SPG11: variants seen among roughly 807,000 people sequenced by gnomAD.
The protein encoded by SPG11 is spatacsin.
Under a neutral mutation model 274.0 loss-of-function variants are expected in SPG11, and 222 were observed. That is an observed-to-expected ratio of 0.81 (90% CI 0.73 to 0.91). SPG11 has a LOEUF of 0.91. Among genes scored for constraint, SPG11 ranks in the 40% least tolerant of loss-of-function variants. SPG11 has a pLI of 0.00. For synonymous variants in SPG11, 1,144 were observed against 1,039.7 expected, an observed-to-expected ratio of 1.10 and a Z score of -1.93; for missense variants, 3,114 against 2,872.7, an observed-to-expected ratio of 1.08 and a Z score of -1.92.
intron 16 of SPG11, among the ~76,000 whole-genome samples, chr15:44,613,830 T>C (rs2083523825): frequency 6.6e-6 from 1 of 152,234 alleles, no homozygotes; most frequent in African/African-American, 2.4e-5. Flanking sequence ...CATATTTTAT[T>C]GGTTTTTACA....
chr15:44,592,590 A>G, intron 26 of SPG11, 152 bp from the exon 27 acceptor site: 17 of 658,278 alleles, frequency 2.6e-5, no homozygotes, highest in Non-Finnish European at 4.4e-5. Flanking sequence ...AAGCCGAGCC[A>G]GTGGGATCAC....
chr15:44,573,455 CA>C, intron 32 of SPG11, 91 bp downstream of exon 32: 4 of 1,342,056 alleles, frequency 3.0e-6, no homozygotes, highest in Non-Finnish European at 4.2e-6. Context: ...GAACCACATA[CA>C]GGATGTATAT....
intron 30 of SPG11, among the ~76,000 whole-genome samples, chr15:44,581,597 T>TAA (rs201318366): frequency 4.5e-5 from 6 of 134,256 alleles, no homozygotes; most frequent in South Asian, 2.5e-4. Flanking sequence ...AACTGATTAT[T>TAA]AAAAAAAAAA....
Position 44,628,995 on chromosome 15 carries a change from G to C in SPG11, c.1892-151C>G, listed in dbSNP as rs1841804535. 9 of 884,966 alleles carry C rather than the reference G, an allele frequency of 1.0e-5. No homozygotes were observed. The Middle Eastern group carries it at 9.5e-4, about 94-fold the overall frequency. The allele number at this position is 884,966 out of a possible 1,614,324, so 54.8% of individuals were successfully genotyped here. ...TGAGGATTTTCCTTTTTACAAGTAA[G>C]TAGCTCTGTATTTTAATATAACCCT... On this transcript the variant is annotated intron_variant, in intron 9 of 39. Coordinates refer to ENST00000261866, the MANE Select transcript of SPG11 (RefSeq NM_025137.4).
chr15:44,584,183 A>C lies in SPG11; in HGVS notation c.5497T>G (p.Ser1833Ala), dbSNP rs766375553. 2.3e-5 allele frequency: 37 copies of C among 1,614,116 alleles called. No individual in the cohort carries two copies. Among genetic ancestry groups the C allele is most frequent in the South Asian group, 5.5e-5 (5 of 91,094 alleles). ...SRQISTSGELSFDSLASEFSF... is the reference protein window; with the variant it reads ...SRQISTSGELAFDSLASEFSF... ...AACTCACTGGCTAAACTATCAAAGG[A>C]AAGTTCACCACTAGTTGAGATCTGT... The change falls in exon 30 of 40, where the codon TCC becomes GCC. Residue 1833 changes from serine (S) to alanine (A), a missense_variant. Ser to Ala is a moderately conservative substitution (Grantham distance 99). Transcript: ENST00000261866.
intron 33 of SPG11, 44 bp downstream of exon 33, chr15:44,572,639 C>T: frequency 6.2e-7 from 1 of 1,611,778 alleles, no homozygotes; most frequent in South Asian, 1.1e-5. Flanking sequence ...CCTTTTGAGA[C>T]CTGTTTAGGG....
Position 44,563,008 on chromosome 15 carries a change from G to C in SPG11, c.*113C>G. 1 of 1,046,150 alleles carries C rather than the reference G, an allele frequency of 9.6e-7. No individual in the cohort carries two copies. Among genetic ancestry groups the C allele is most frequent in the East Asian group, 2.5e-5 (1 of 39,920 alleles). 64.8% of individuals were successfully genotyped at this position (1,046,150 alleles called of 1,614,324 possible). A position where few individuals can be genotyped will look rare whatever the true frequency, so the allele number is the denominator to read the frequency against. ...CCTACTACCCACAAAGGACTGATATGGTACAGTACCGGGATTGTTCAACTT... is the reference window on the plus strand; with the variant it reads ...CCTACTACCCACAAAGGACTGATATCGTACAGTACCGGGATTGTTCAACTT... On this transcript the variant is annotated 3_prime_UTR_variant, in exon 40 of 40. Coordinates refer to ENST00000261866, the MANE Select transcript of SPG11 (RefSeq NM_025137.4).
chr15:44,563,102 CAG>C lies in SPG11; in HGVS notation c.*17_*18del. The C allele has an allele frequency of 3.1e-6, 5 of 1,612,996 alleles. No homozygotes were observed. The highest frequency in any genetic ancestry group is 4.2e-6 in the Non-Finnish European group (5 of 1,179,176). ...AGAATCTGCTAACAGTACAAGAAAACAGACACCTATGAAATCATCTAACCTGC... is the reference window on the plus strand; with the variant it reads ...AGAATCTGCTAACAGTACAAGAAAACACACCTATGAAATCATCTAACCTGC... On this transcript the variant is annotated 3_prime_UTR_variant, in exon 40 of 40. Transcript: ENST00000261866.
At chr15:44,566,487 C>T (rs1000278173) in intron 36 of SPG11, among the ~76,000 whole-genome samples, 182 bp from the exon 37 acceptor site, 9 of 152,160 alleles carry the variant, frequency 5.9e-5, no homozygotes, top group South Asian at 2.1e-4. Context: ...AACTTCACTC[C>T]GCAGTAGGAT....
In SPG11 at chr15:44,652,006, C is replaced by T. The variant is rs2084796067; in HGVS notation, c.1008-67G>A. ...AAAGGCACTATGTAAAACACTAAACCAGGGCAAAGATGTTCTTAAAAAAAA... is the reference window on the plus strand; with the variant it reads ...AAAGGCACTATGTAAAACACTAAACTAGGGCAAAGATGTTCTTAAAAAAAA... On this transcript the variant is annotated intron_variant, in intron 5 of 39. Coordinates refer to ENST00000261866, the MANE Select transcript of SPG11 (RefSeq NM_025137.4). The T allele has an allele frequency of 6.4e-6, 10 of 1,569,950 alleles. No homozygotes were observed. The East Asian group carries it at 2.3e-4, about 35-fold the overall frequency.
intron 33 of SPG11, among the ~76,000 whole-genome samples, chr15:44,570,936 C>T (rs1316964055): frequency 6.6e-6 from 1 of 152,168 alleles, no homozygotes; most frequent in African/African-American, 2.4e-5. Flanking sequence ...ACAGCACCCT[C>T]GCCTTCTAAA....
Position 44,567,455 on chromosome 15 carries a change from G to A in SPG11, c.6723C>T (p.Ile2241=). 1 of 1,613,988 alleles carries A rather than the reference G, an allele frequency of 6.2e-7. No homozygotes were observed. Among genetic ancestry groups the A allele is most frequent in the Non-Finnish European group, 8.5e-7 (1 of 1,179,988 alleles). The change falls in exon 36 of 40, where the codon ATC becomes ATT. Residue 2241 remains isoleucine (I), a synonymous_variant. Transcript: ENST00000261866. The stretch of plus-strand genomic sequence containing the variant: ...GCTGAGACTCAATCAATTTCAGTTG[G>A]ATGCGGGCAGCTGCCTCGTGGTTCT... ...IGENHEAAAR[I]QLKLIESQPW... is the part of the protein sequence containing the mutation.
intron 25 of SPG11, among the ~76,000 whole-genome samples, chr15:44,595,830 C>G (rs1319622507): frequency 6.6e-6 from 1 of 152,198 alleles, no homozygotes; most frequent in Non-Finnish European, 1.5e-5. Flanking sequence ...ACCAAAGCGT[C>G]TTTCTCTGTG....
chr15:44,604,888 C>T (rs949479428), intron 20 of SPG11, among the ~76,000 whole-genome samples: 33 of 123,310 alleles, frequency 2.7e-4, no homozygotes, highest in African/African-American at 8.8e-4. Context: ...AGATCGAGAT[C>T]GTGCCACTGC....
At chr15:44,608,837 A>C (rs1216549871) in intron 18 of SPG11, among the ~76,000 whole-genome samples, 1 of 152,180 alleles carries the variant, frequency 6.6e-6, no homozygotes, top group African/African-American at 2.4e-5. Flanking sequence ...CCCATCTGCA[A>C]AATTAGGAAG....
intron 14 of SPG11, chr15:44,620,907 C>T (rs536262020): frequency 7.6e-4 from 121 of 158,620 alleles, no homozygotes; most frequent in Non-Finnish European, 1.4e-3. Flanking sequence ...CAATGTTGGC[C>T]AAGCTGGTCT....
intron 7 of SPG11, among the ~76,000 whole-genome samples, chr15:44,639,540 A>C (rs2084380089): frequency 1.3e-5 from 2 of 152,002 alleles, no homozygotes; most frequent in Admixed American, 6.6e-5. Context: ...CTGTCTCTAC[A>C]AAAAATAAAA....
intron 15 of SPG11, among the ~76,000 whole-genome samples, chr15:44,616,019 GT>G (rs1369777536): frequency 3.9e-5 from 6 of 152,040 alleles, no homozygotes; most frequent in African/African-American, 1.4e-4. Flanking sequence ...CAAAGTTACT[GT>G]TACATCATAT....
Position 44,600,511 on chromosome 15 carries a change from A to T in SPG11, c.3642T>A (p.Thr1214=), listed in dbSNP as rs1281399441. The T allele has an allele frequency of 3.1e-6, 5 of 1,614,076 alleles. No individual in the cohort carries two copies. In the Admixed American group the frequency reaches 5.0e-5, roughly 16 times the overall value. The stretch of plus-strand genomic sequence containing the variant: ...TCTTGATTAATTCCTGGACCAGAAA[A>T]GTACCAAATGCAAATGATGGCCGCC... ...HNGRPSFAFG[T]FLVQELIKSK... Residue 1214 remains threonine (T), a synonymous_variant, in exon 21 of 40, where the codon ACT becomes ACA. Coordinates refer to ENST00000261866, the MANE Select transcript of SPG11 (RefSeq NM_025137.4).
Sources: allele counts gnomAD v4.1 joint callset (sites outside exome capture counted in the v4.1 genomes callset), GRCh38; gene constraint gnomAD v4.1.1; transcripts MANE v1.5; gene names NCBI Gene and HGNC (gene_info 2026-07-23, HGNC 2026-07-21).